Variants in AREL1 observed in about 807,000 individuals in gnomAD.
The protein encoded by AREL1 is apoptosis resistant E3 ubiquitin protein ligase 1.
In AREL1, 62 loss-of-function variants were observed where a neutral mutation model predicts 99.0. The ratio of observed to expected loss-of-function variants is 0.63; its 90% CI spans 0.51 to 0.77. AREL1 has a LOEUF of 0.77. Among genes scored for constraint, AREL1 ranks in the 30% least tolerant of loss-of-function variants. AREL1 has a pLI of 0.00. For missense variants in AREL1, 879 were observed against 1,027.6 expected (o/e 0.86, Z 1.98); for synonymous variants, 380 against 376.5 (o/e 1.01, Z -0.11).
rs1410045079 is a variant in AREL1 at position 74,662,899 on chromosome 14, A to G, written c.*821T>C. On this transcript the variant is annotated 3_prime_UTR_variant, in exon 20 of 20. Coordinates refer to ENST00000356357, the MANE Select transcript of AREL1 (RefSeq NM_001039479.2). ...CCAAGCCGGCCATACTTCAGTGCCA[A>G]TAACAAACTCAGGGAAAAGCATCAG... 3 of 315,342 alleles carry G rather than the reference A, an allele frequency of 9.5e-6. No homozygotes were observed. The highest frequency in any genetic ancestry group is 1.7e-5 in the Non-Finnish European group (3 of 173,402). The allele number at this position is 315,342 out of a possible 1,614,324, so 19.5% of individuals were successfully genotyped here.
chr14:74,678,075 T>C (rs2089534931), intron 5 of AREL1: 2 of 390,486 alleles, frequency 5.1e-6, no homozygotes, highest in Admixed American at 3.5e-5. Context: ...AGCAAGATTA[T>C]TTATAGATTT....
At chr14:74,670,967 C>G (rs556585401) in intron 12 of AREL1, 96 bp from the exon 13 acceptor site, 1 of 883,698 alleles carries the variant, frequency 1.1e-6, no homozygotes, top group African/African-American at 1.6e-5. Context: ...CACATTCCCT[C>G]TATTGTACTA....
chr14:74,712,068 G>GAAAAAAAAAAAAAAAAAAAA (rs1365570759), intron 1 of AREL1: 4 of 61,730 alleles, frequency 6.5e-5, no homozygotes, highest in South Asian at 6.6e-4. Flanking sequence ...AAAAAAAAAA[G>GAAAAAAAAAAAAAAAAAAAA]AAAAAAAAAG....
chr14:74,687,019 A>C (rs2089763258), intron 2 of AREL1, among the ~76,000 whole-genome samples: 1 of 152,152 alleles, frequency 6.6e-6, no homozygotes, highest in Non-Finnish European at 1.5e-5. Context: ...ATCTGCTACG[A>C]TCTCTCAAAA....
rs1595333686 is a variant in AREL1 at position 74,663,926 on chromosome 14, T to C, written c.2342A>G (p.His781Arg). Residue 781 changes from histidine (H) to arginine (R), a missense_variant, in exon 19 of 20, where the codon CAT becomes CGT. Coordinates refer to ENST00000356357, the MANE Select transcript of AREL1 (RefSeq NM_001039479.2). Reference protein sequence around the residue: ...PSFQIIAAPTHSTLPTAHTCF... With the variant: ...PSFQIIAAPTRSTLPTAHTCF... ...TGTGTGTGCAGTAGGCAGCGTGCTA[T>C]GGGTCGGAGCGGCAATAATCTGAAA... The C allele has an allele frequency of 6.2e-7, 1 of 1,614,144 alleles. No individual in the cohort carries two copies. Among genetic ancestry groups the C allele is most frequent in the East Asian group, 2.2e-5 (1 of 44,888 alleles).
At chr14:74,684,328 T>C in intron 4 of AREL1, 126 bp downstream of exon 4, 1 of 779,722 alleles carries the variant, frequency 1.3e-6, no homozygotes, top group South Asian at 1.7e-5. Flanking sequence ...ATAGTAGCAA[T>C]TCACTAGTTC....
At chr14:74,683,797 T>C (rs2089688466) in intron 4 of AREL1, among the ~76,000 whole-genome samples, 1 of 152,204 alleles carries the variant, frequency 6.6e-6, no homozygotes, top group Non-Finnish European at 1.5e-5. Context: ...CAAGAAAATG[T>C]CCATTTTAAC....
intron 12 of AREL1, among the ~76,000 whole-genome samples, chr14:74,671,190 A>T (rs2089330303): frequency 6.6e-6 from 1 of 151,768 alleles, no homozygotes; most frequent in Admixed American, 6.6e-5. Flanking sequence ...ATGTCTGTGT[A>T]CCACAAGCTC....
intron 1 of AREL1, among the ~76,000 whole-genome samples, chr14:74,692,624 ATCC>A (rs1228675906): frequency 2.6e-5 from 4 of 152,154 alleles, no homozygotes; most frequent in Non-Finnish European, 5.9e-5. Flanking sequence ...ATACTTCCCT[ATCC>A]TTATGACATT....
Position 74,670,130 on chromosome 14 carries a change from T to C in AREL1, c.1609-4A>G. On this transcript the variant is annotated splice_region_variant and splice_polypyrimidine_tract_variant and intron_variant, in intron 13 of 19. Transcript: ENST00000356357. ...GGCGATTAGGGTTGGGATGCACCTG[T>C]CCAAGAAAGAGACTGAAAGGCCCTG... 6.3e-7 allele frequency: 1 copy of C among 1,585,326 alleles called. No homozygotes were observed. Among genetic ancestry groups the C allele is most frequent in the Middle Eastern group, 1.7e-4 (1 of 5,872 alleles).
At chr14:74,700,108 A>C (rs2090055831) in intron 1 of AREL1, among the ~76,000 whole-genome samples, 1 of 152,256 alleles carries the variant, frequency 6.6e-6, no homozygotes, top group Non-Finnish European at 1.5e-5. Context: ...CTACAGCAAC[A>C]ATCCAAAATA....
chr14:74,675,996 A>G, intron 7 of AREL1, 50 bp from the exon 8 acceptor site: 1 of 1,538,104 alleles, frequency 6.5e-7, no homozygotes, highest in Non-Finnish European at 8.7e-7. Context: ...GAGAAGAAAA[A>G]AATTACCTAT....
At position 74,675,680 on chromosome 14, in the gene AREL1, C is replaced by A. The variant is rs764980029; in HGVS notation, c.1080+19G>T. ...AGGTTCAAGCAGGGGGATTTTATGT[C>A]GAGAATGGAAGGTCCAACCTTTGGT... On this transcript the variant is annotated intron_variant, in intron 8 of 19. Transcript: ENST00000356357. 2 of 1,607,500 alleles carry A rather than the reference C, an allele frequency of 1.2e-6. No individual in the cohort carries two copies. The highest frequency in any genetic ancestry group is 2.7e-5 in the African/African-American group (2 of 74,776).
intron 2 of AREL1, among the ~76,000 whole-genome samples, chr14:74,691,611 A>G (rs2089882497): frequency 6.6e-6 from 1 of 152,208 alleles, no homozygotes; most frequent in Admixed American, 6.5e-5. Context: ...TGCAATGCCA[A>G]TTCTCTAGTG....
intron 2 of AREL1, among the ~76,000 whole-genome samples, chr14:74,686,443 A>G (rs954810362): frequency 6.6e-6 from 1 of 152,238 alleles, no homozygotes; most frequent in African/African-American, 2.4e-5. Flanking sequence ...GAAAAATGCA[A>G]TGTATGCTAA....
intron 5 of AREL1, among the ~76,000 whole-genome samples, chr14:74,677,576 G>C (rs1448430339): frequency 2.1e-5 from 3 of 140,010 alleles, no homozygotes; most frequent in Admixed American, 7.3e-5. Context: ...GCACGATCTC[G>C]GCTCACTGCA....
At chr14:74,690,264 CAAAA>C (rs5809676) in intron 2 of AREL1, among the ~76,000 whole-genome samples, 1 of 73,118 alleles carries the variant, frequency 1.4e-5, no homozygotes, top group East Asian at 3.8e-4. Context: ...ACCCTGTCTC[CAAAA>C]AAAAAAAAAA....
Position 74,662,501 on chromosome 14 carries a change from C to T in AREL1, c.*1219G>A, listed in dbSNP as rs2089106377. ...AATGAAAAAGGATGTTGTCATCTTC[C>T]AAGATACAGCAGCAGGTACTCTTCA... On this transcript the variant is annotated 3_prime_UTR_variant, in exon 20 of 20. Transcript: ENST00000356357. 2.5e-6 allele frequency: 1 copy of T among 398,584 alleles called. No individual in the cohort carries two copies. The highest frequency in any genetic ancestry group is 2.1e-5 in the African/African-American group (1 of 48,598). The allele number at this position is 398,584 out of a possible 1,614,324, so 24.7% of individuals were successfully genotyped here.
In AREL1 at chr14:74,689,587, C is replaced by CTTTTTTTTTTTTTTTTTTTTTTTTT. The variant is rs1185444870; in HGVS notation, c.-46+2453_-46+2454insAAAAAAAAAAAAAAAAAAAAAAAAA. Among the ~76,000 whole-genome samples, 4 of 113,714 alleles carry CTTTTTTTTTTTTTTTTTTTTTTTTT rather than the reference C, an allele frequency of 3.5e-5. 2 individuals are homozygous for CTTTTTTTTTTTTTTTTTTTTTTTTT. The highest frequency in any genetic ancestry group is 3.9e-5 in the Non-Finnish European group (2 of 50,804). The allele number at this position is 113,714 out of a possible 152,430, so 74.6% of individuals were successfully genotyped here. A position where few individuals can be genotyped will look rare whatever the true frequency, so the allele number is the denominator to read the frequency against. ...CATTGTTTTTATTTATCTTATAGCA[C>CTTTTTTTTTTTTTTTTTTTTTTTTT]TTTTCTTTTTTTTTTTTTTTTTTTT... is the stretch of plus-strand genomic sequence containing the variant. On this transcript the variant is annotated intron_variant, in intron 2 of 19. Transcript: ENST00000356357.
Sources: gnomAD v4.1 joint callset for allele counts (sites outside exome capture counted in the v4.1 genomes callset) on GRCh38, gnomAD v4.1.1 for gene constraint, MANE v1.5 for transcripts, NCBI Gene and HGNC (gene_info 2026-07-23, HGNC 2026-07-21) for gene names.